The following EAF2 variants were observed in gnomAD, a reference collection of about 807,000 sequenced individuals.
The protein encoded by EAF2 is ELL-associated factor 2.
A neutral mutation model predicts 29.4 loss-of-function variants in EAF2; 29 were observed. That is an observed-to-expected ratio of 0.99 (90% CI 0.73 to 1.35). The LOEUF (loss-of-function observed/expected upper bound fraction) is 1.35, where lower values mean the gene tolerates loss of function less well. Ranked by LOEUF, EAF2 falls within the 40% of genes most tolerant of loss-of-function variation. The pLI is 0.00. For missense variants in EAF2, 292 were observed against 312.0 expected (o/e 0.94, Z 0.48); for synonymous variants, 103 against 102.5 (o/e 1.00, Z -0.03).
intron 3 of EAF2, among the ~76,000 whole-genome samples, chr3:121,855,435 C>T (rs1420122722): frequency 6.6e-6 from 1 of 152,052 alleles, no homozygotes; most frequent in African/African-American, 2.4e-5. Flanking sequence ...TTCAGGGAGG[C>T]CTTTTTGATG....
intron 5 of EAF2, among the ~76,000 whole-genome samples, chr3:121,874,638 C>G (rs1414218749): frequency 2.0e-5 from 3 of 151,858 alleles, no homozygotes; most frequent in Non-Finnish European, 4.4e-5. Context: ...CCTTGTAGAA[C>G]TTTGAAGGGG....
At chr3:121,845,424 C>T (rs551051733) in intron 2 of EAF2, among the ~76,000 whole-genome samples, 2 of 107,582 alleles carry the variant, frequency 1.9e-5, no homozygotes, top group East Asian at 3.1e-4. Flanking sequence ...GGCGATAGAG[C>T]GAGACTCCTA....
chr3:121,859,984 G>A (rs1249219404), intron 4 of EAF2, among the ~76,000 whole-genome samples: 1 of 152,170 alleles, frequency 6.6e-6, no homozygotes, highest in Non-Finnish European at 1.5e-5. Flanking sequence ...TTATTGATTG[G>A]CATATGTTGA....
At chr3:121,862,433 C>G (rs1375101480) in intron 4 of EAF2, among the ~76,000 whole-genome samples, 1 of 152,202 alleles carries the variant, frequency 6.6e-6, no homozygotes, top group Non-Finnish European at 1.5e-5. Context: ...TCTTCAATCA[C>G]TGAAACCCTT....
intron 2 of EAF2, among the ~76,000 whole-genome samples, chr3:121,853,948 C>T (rs1392163370): frequency 6.6e-6 from 1 of 151,848 alleles, no homozygotes; most frequent in East Asian, 1.9e-4. Context: ...AGAGGTGTTC[C>T]TTAATATGCA....
chr3:121,881,031 T>C (rs1238290618), intron 5 of EAF2, among the ~76,000 whole-genome samples: 3 of 152,230 alleles, frequency 2.0e-5, no homozygotes, highest in African/African-American at 7.2e-5. Context: ...TTCACATTTA[T>C]TGATTTGGGT....
At chr3:121,856,708 T>G (rs1213935726) in intron 3 of EAF2, among the ~76,000 whole-genome samples, 2 of 152,220 alleles carry the variant, frequency 1.3e-5, no homozygotes, top group African/African-American at 4.8e-5. Context: ...CTTGAATTCC[T>G]GGCCTCAAGT....
In EAF2 at chr3:121,868,173, C is replaced by T. The variant is rs1708955667; in HGVS notation, c.485-4364C>T. On this transcript the variant is annotated intron_variant, in intron 4 of 5. Transcript: ENST00000273668. ...CAGGCTGTATAAAAAGTACACCCAACTATATGCTGTTTATAAGAAATTAAT... is the reference window on the plus strand; with the variant it reads ...CAGGCTGTATAAAAAGTACACCCAATTATATGCTGTTTATAAGAAATTAAT... 5.3e-5 allele frequency among the ~76,000 whole-genome samples: 8 copies of T among 152,136 alleles called. No homozygotes were observed. In the South Asian group the frequency reaches 1.7e-3, roughly 31 times the overall value.
chr3:121,840,839 A>G (rs1256992583), intron 1 of EAF2, among the ~76,000 whole-genome samples: 1 of 150,418 alleles, frequency 6.6e-6, no homozygotes, highest in African/African-American at 2.4e-5. Context: ...AAATAATATC[A>G]GGTAGGTAGT....
intron 4 of EAF2, among the ~76,000 whole-genome samples, chr3:121,858,763 G>A (rs1204614552): frequency 2.6e-5 from 4 of 152,128 alleles, no homozygotes; most frequent in Admixed American, 6.6e-5. Context: ...GTCCTGAATG[G>A]TATTGCCTAG....
chr3:121,872,893 C>A, intron 5 of EAF2, 105 bp downstream of exon 5: 1 of 1,396,630 alleles, frequency 7.2e-7, no homozygotes, highest in Non-Finnish European at 9.7e-7. Flanking sequence ...CTATTTTATG[C>A]ATTTGATACT....
chr3:121,859,730 G>A (rs1022201859), intron 4 of EAF2, among the ~76,000 whole-genome samples: 8 of 152,184 alleles, frequency 5.3e-5, no homozygotes, highest in Non-Finnish European at 1.0e-4. Context: ...TGGTGAAAGA[G>A]GGCATCCCTG....
intron 5 of EAF2, among the ~76,000 whole-genome samples, chr3:121,884,306 C>G (rs1321824300): frequency 4.3e-5 from 6 of 137,940 alleles, no homozygotes; most frequent in Admixed American, 1.6e-4. Flanking sequence ...CGCCACTGTG[C>G]TCTAGCCTGG....
intron 5 of EAF2, 60 bp downstream of exon 5, chr3:121,872,848 A>G: frequency 6.4e-7 from 1 of 1,559,576 alleles, no homozygotes. Context: ...AGCCATATTG[A>G]TTGTGACCTA....
At chr3:121,883,564 A>G (rs1346079712) in intron 5 of EAF2, among the ~76,000 whole-genome samples, 2 of 152,356 alleles carry the variant, frequency 1.3e-5, no homozygotes, top group African/African-American at 4.8e-5. Context: ...ACTTTCAAAA[A>G]TTTCACAGAA....
At chr3:121,857,608 G>T (rs1261072088) in intron 4 of EAF2, among the ~76,000 whole-genome samples, 1 of 151,988 alleles carries the variant, frequency 6.6e-6, no homozygotes, top group Non-Finnish European at 1.5e-5. Context: ...ATTTTTCTGG[G>T]TAATGATGTA....
chr3:121,854,080 C>T (rs1391401268), intron 2 of EAF2, among the ~76,000 whole-genome samples: 1 of 152,078 alleles, frequency 6.6e-6, no homozygotes, highest in Non-Finnish European at 1.5e-5. Context: ...CTTTGGGAGA[C>T]TGAGATGGGT....
chr3:121,841,732 G>A (rs956760997), intron 1 of EAF2, among the ~76,000 whole-genome samples: 2 of 151,138 alleles, frequency 1.3e-5, no homozygotes, highest in East Asian at 2.0e-4. Flanking sequence ...AAATAAGGCC[G>A]GGCGCAGTTG....
intron 5 of EAF2, among the ~76,000 whole-genome samples, chr3:121,884,517 T>C (rs1426352380): frequency 6.6e-6 from 1 of 151,012 alleles, no homozygotes; most frequent in Admixed American, 6.6e-5. Context: ...AACCTCCACC[T>C]CCTAGGTTCA....
Sources: gnomAD v4.1 joint callset for allele counts (sites outside exome capture counted in the v4.1 genomes callset) on GRCh38, gnomAD v4.1.1 for gene constraint, MANE v1.5 for transcripts, NCBI Gene and HGNC (gene_info 2026-07-23, HGNC 2026-07-21) for gene names.